The following FRMD4B variants were observed in gnomAD, a reference collection of about 807,000 sequenced individuals.
FRMD4B encodes FERM domain containing 4B.
A neutral mutation model predicts 141.5 loss-of-function variants in FRMD4B; 74 were observed. That is an observed-to-expected ratio of 0.52 (90% CI 0.43 to 0.63). The LOEUF is 0.63. Ranked by LOEUF, FRMD4B falls within the 30% of genes least tolerant of loss-of-function variation. The pLI, the probability that FRMD4B is intolerant of heterozygous loss-of-function variation, is 0.00. For synonymous variants in FRMD4B, 506 were observed against 467.9 expected (o/e 1.08, Z -1.05); for missense variants, 1,366 against 1,253.4 (o/e 1.09, Z -1.36).
intron 11 of FRMD4B, 150 bp from the exon 12 acceptor site, chr3:69,198,924 A>T (rs1476176291): frequency 9.1e-5 from 56 of 613,368 alleles, no homozygotes; most frequent in Non-Finnish European, 3.2e-5. Flanking sequence ...TTACAAATCA[A>T]CTATGACCTG....
chr3:69,444,918 GT>G (rs1705389243), intron 1 of FRMD4B, among the ~76,000 whole-genome samples: 1 of 152,112 alleles, frequency 6.6e-6, no homozygotes, highest in Non-Finnish European at 1.5e-5. Flanking sequence ...CTCATACCAC[GT>G]GGAGAAATTA....
At chr3:69,400,899 G>A (rs745424904) in intron 2 of FRMD4B, among the ~76,000 whole-genome samples, 2 of 152,152 alleles carry the variant, frequency 1.3e-5, no homozygotes, top group Non-Finnish European at 2.9e-5. Context: ...TATTTGCCTT[G>A]TGGATTTGTT....
At chr3:69,261,931 A>G (rs1468772369) in intron 5 of FRMD4B, among the ~76,000 whole-genome samples, 1 of 149,924 alleles carries the variant, frequency 6.7e-6, no homozygotes, top group Non-Finnish European at 1.5e-5. Context: ...TTGGCCTCCC[A>G]AAGTGCTGGG....
intron 21 of FRMD4B, among the ~76,000 whole-genome samples, chr3:69,179,455 G>A (rs1198174060): frequency 6.6e-6 from 1 of 152,086 alleles, no homozygotes; most frequent in Non-Finnish European, 1.5e-5. Flanking sequence ...TGTTTTCTAG[G>A]TCAGAGCCAT....
intron 7 of FRMD4B, among the ~76,000 whole-genome samples, chr3:69,244,692 G>A (rs2093411002): frequency 6.6e-6 from 1 of 152,072 alleles, no homozygotes; most frequent in South Asian, 2.1e-4. Context: ...TCAAGAGTCT[G>A]AGACCAGCCT....
chr3:69,484,515 G>GTGT (rs1706181883), intron 1 of FRMD4B, among the ~76,000 whole-genome samples: 1 of 152,170 alleles, frequency 6.6e-6, no homozygotes, highest in Admixed American at 6.5e-5. Context: ...GATTTATTAA[G>GTGT]TGTTAGAATA....
chr3:69,255,070 G>A lies in FRMD4B; in HGVS notation c.502-4971C>T, dbSNP rs149117332. On this transcript the variant is annotated intron_variant, in intron 5 of 22. Coordinates refer to ENST00000398540, the MANE Select transcript of FRMD4B (RefSeq NM_015123.3). ...GATCAGGAGGAAATATTACAAGGAC[G>A]TTACTGGGACAACTGGACTGTATAT... Among the ~76,000 whole-genome samples, 668 of 152,286 alleles carry A rather than the reference G, an allele frequency of 4.4e-3. 1 individual carries two copies. The highest frequency in any genetic ancestry group is 0.01 in the Admixed American group (158 of 15,300).
rs555866791 is a variant in FRMD4B at position 69,181,350 on chromosome 3, C to T, written c.2400G>A (p.Pro800=). 4.3e-5 allele frequency: 69 copies of T among 1,613,856 alleles called. No homozygotes were observed. In the African/African-American group the frequency reaches 7.5e-4, roughly 17 times the overall value. The change falls in exon 21 of 23, where the codon CCG becomes CCA. Residue 800 remains proline (P), a synonymous_variant. Coordinates refer to ENST00000398540, the MANE Select transcript of FRMD4B (RefSeq NM_015123.3). ...ACCCGGCAATGTAGTAACTGGAAGA[C>T]GGTGGCTCCTGACTCTTTGAGTAAA... is the stretch of plus-strand genomic sequence containing the variant. ...NGVYSKSQEP[P]SSSYYIAGYT... is the part of the protein sequence containing the mutation.
At chr3:69,255,963 G>A (rs2093489835) in intron 5 of FRMD4B, among the ~76,000 whole-genome samples, 1 of 152,122 alleles carries the variant, frequency 6.6e-6, no homozygotes, top group Admixed American at 6.6e-5. Flanking sequence ...AGGGTGCTCT[G>A]GCTTGCACCT....
At chr3:69,510,529 A>T (rs554601538) in intron 1 of FRMD4B, among the ~76,000 whole-genome samples, 1 of 152,208 alleles carries the variant, frequency 6.6e-6, no homozygotes, top group Non-Finnish European at 1.5e-5. Context: ...GATAAAAGCA[A>T]TTTAACTTTC....
At chr3:69,474,685 A>G (rs1382915653) in intron 1 of FRMD4B, among the ~76,000 whole-genome samples, 1 of 148,322 alleles carries the variant, frequency 6.7e-6, no homozygotes, top group Non-Finnish European at 1.5e-5. Context: ...TAAACACTGG[A>G]GCATTGCTGC....
intron 1 of FRMD4B, among the ~76,000 whole-genome samples, chr3:69,330,606 A>G (rs919766234): frequency 9.3e-5 from 14 of 151,300 alleles, no homozygotes; most frequent in African/African-American, 3.2e-4. Context: ...CAGCCTCCCA[A>G]AGTTCTGGGA....
chr3:69,360,090 T>G (rs1703431518), intron 1 of FRMD4B, among the ~76,000 whole-genome samples: 1 of 152,190 alleles, frequency 6.6e-6, no homozygotes, highest in Admixed American at 6.5e-5. Context: ...ACCTGGAGTT[T>G]TGTTTTCCCC....
At chr3:69,265,112 G>A (rs1184497529) in intron 5 of FRMD4B, among the ~76,000 whole-genome samples, 2 of 150,322 alleles carry the variant, frequency 1.3e-5, no homozygotes, top group Non-Finnish European at 3.0e-5. Context: ...AAAATTAGCC[G>A]GGGGCAGTGG....
chr3:69,493,450 C>A (rs962134179), intron 1 of FRMD4B, among the ~76,000 whole-genome samples: 2 of 152,152 alleles, frequency 1.3e-5, no homozygotes, highest in Non-Finnish European at 2.9e-5. Context: ...GCTAGCCAAA[C>A]AAAACACACT....
intron 1 of FRMD4B, among the ~76,000 whole-genome samples, chr3:69,433,617 C>G (rs1160810773): frequency 6.6e-6 from 1 of 152,204 alleles, no homozygotes; most frequent in Non-Finnish European, 1.5e-5. Context: ...TCACAAACAC[C>G]TTTGCCCTCT....
At chr3:69,458,736 G>A (rs1328284032) in intron 1 of FRMD4B, among the ~76,000 whole-genome samples, 1 of 150,742 alleles carries the variant, frequency 6.6e-6, no homozygotes, top group Non-Finnish European at 1.5e-5. Flanking sequence ...AGAAAAACAC[G>A]CTTGTAATCA....
At chr3:69,415,577 T>A (rs1356217634) in intron 2 of FRMD4B, among the ~76,000 whole-genome samples, 1 of 152,212 alleles carries the variant, frequency 6.6e-6, no homozygotes. Context: ...TAGGTGCTAC[T>A]CAGTCTTCAA....
At position 69,511,022 on chromosome 3, in the gene FRMD4B, A is replaced by T. The variant is rs80092226; in HGVS notation, c.-129+31184T>A. 6.7e-3 allele frequency among the ~76,000 whole-genome samples: 1,018 copies of T among 152,316 alleles called. 16 individuals carry two copies. Among genetic ancestry groups the T allele is most frequent in the African/African-American group, 0.024 (993 of 41,570 alleles). ...ATAAATAGAGTACTTTATTAAGCTC[A>T]TAAAGATTTCTCAGAACAAACACCA... is the stretch of plus-strand genomic sequence containing the variant. On this transcript the variant is annotated intron_variant, in intron 1 of 5. Coordinates refer to the FRMD4B transcript ENST00000459638.
Sources: gnomAD v4.1 joint callset for allele counts (sites outside exome capture counted in the v4.1 genomes callset) on GRCh38, gnomAD v4.1.1 for gene constraint, MANE v1.5 for transcripts, NCBI Gene and HGNC (gene_info 2026-07-23, HGNC 2026-07-21) for gene names.